The following FAM163A variants were observed in gnomAD, a reference collection of about 807,000 sequenced individuals.
The protein encoded by FAM163A is family with sequence similarity 163 member A, also known as protein FAM163A.
Under a neutral mutation model 12.0 loss-of-function variants are expected in FAM163A, and 7 were observed. That is an observed-to-expected ratio of 0.58 (90% CI 0.33 to 1.10). FAM163A has a LOEUF of 1.10. FAM163A is among the 50% of genes least tolerant of loss of function. The pLI is 0.03. For synonymous variants in FAM163A, 101 were observed against 91.0 expected, an observed-to-expected ratio of 1.11 and a Z score of -0.62; for missense variants, 202 against 218.6, an observed-to-expected ratio of 0.92 and a Z score of 0.48.
chr1:179,758,535 A>T (rs3845382), intron 1 of FAM163A, among the ~76,000 whole-genome samples: 37,346 of 152,082 alleles, frequency 0.25, 5,168 homozygotes, highest in East Asian at 0.62. Context: ...CTTAGTTGGC[A>T]AATTTGTGTA....
the FAM163A span, among the ~76,000 whole-genome samples, chr1:179,730,722 G>A: frequency 6.6e-6 from 1 of 152,142 alleles, no homozygotes; most frequent in Non-Finnish European, 1.5e-5. Flanking sequence ...ATGCAAAAAA[G>A]CACTCTTTTA....
At chr1:179,765,115 C>T (rs571098697) in intron 1 of FAM163A, among the ~76,000 whole-genome samples, 24 of 152,320 alleles carry the variant, frequency 1.6e-4, no homozygotes, top group Middle Eastern at 6.8e-3. Context: ...TCCACCTCTT[C>T]CCTTTCTTCC....
chr1:179,800,888 C>T (rs1188034069), intron 1 of FAM163A, among the ~76,000 whole-genome samples: 1 of 152,156 alleles, frequency 6.6e-6, no homozygotes, highest in Non-Finnish European at 1.5e-5. Context: ...ATAACAAACT[C>T]ATTTTCACAT....
chr1:179,812,860 T>C (rs1694888434), intron 3 of FAM163A, among the ~76,000 whole-genome samples: 1 of 152,118 alleles, frequency 6.6e-6, no homozygotes, highest in African/African-American at 2.4e-5. Context: ...TGAGAACTTT[T>C]TGAAACTGGG....
intron 1 of FAM163A, among the ~76,000 whole-genome samples, chr1:179,758,541 G>A (rs1325287181): frequency 1.3e-5 from 2 of 152,154 alleles, no homozygotes; most frequent in African/African-American, 2.4e-5. Context: ...TGGCAAATTT[G>A]TGTAGAGGTG....
intron 1 of FAM163A, among the ~76,000 whole-genome samples, chr1:179,791,083 A>T (rs796490353): frequency 3.9e-5 from 6 of 152,328 alleles, no homozygotes; most frequent in African/African-American, 1.4e-4. Context: ...TCAATCATCC[A>T]GCCTAGGTGT....
chr1:179,799,251 C>T (rs1692823276), intron 1 of FAM163A, among the ~76,000 whole-genome samples: 2 of 152,356 alleles, frequency 1.3e-5, no homozygotes, highest in South Asian at 4.1e-4. Flanking sequence ...ACCCTCTAAA[C>T]AATCAAGGAC....
upstream of FAM163A, among the ~76,000 whole-genome samples, chr1:179,740,917 CTCTG>C (rs1319933710): frequency 6.6e-6 from 1 of 152,044 alleles, no homozygotes; most frequent in Non-Finnish European, 1.5e-5. Flanking sequence ...CTTGCAATCT[CTCTG>C]TATTATTTCT....
chr1:179,809,995 A>G lies in FAM163A; in HGVS notation c.-45+2107A>G, dbSNP rs1571597045. Among the ~76,000 whole-genome samples, 2 of 152,174 alleles carry G rather than the reference A, an allele frequency of 1.3e-5. 1 individual carries two copies. The highest frequency in any genetic ancestry group is 4.1e-4 in the South Asian group (2 of 4,832). ...TGCAGATGGGATTGAGCTGAGAGGT[A>G]CAGCTTGCTGCCCCCTGGTGGTCTG... On this transcript the variant is annotated intron_variant, in intron 2 of 4. Coordinates refer to ENST00000341785, the MANE Select transcript of FAM163A (RefSeq NM_173509.3).
intron 1 of FAM163A, among the ~76,000 whole-genome samples, chr1:179,791,393 C>G (rs962126156): frequency 6.6e-6 from 1 of 152,346 alleles, no homozygotes; most frequent in Middle Eastern, 3.4e-3. Context: ...CCTCTTCCCC[C>G]TGCTCTCTCC....
In FAM163A at chr1:179,778,250, G is replaced by A. The variant is rs116390740; in HGVS notation, c.-135-29548G>A. 8.4e-3 allele frequency among the ~76,000 whole-genome samples: 1,285 copies of A among 152,240 alleles called. 17 individuals are homozygous for A. Among genetic ancestry groups the A allele is most frequent in the African/African-American group, 0.03 (1,238 of 41,538 alleles). Reference sequence around the variant, plus strand: ...GCTGGCCTAGGTAAGATCACGAGGAGGCCAGAGCAGCCTCCTTACACCCCA... The same window carrying A: ...GCTGGCCTAGGTAAGATCACGAGGAAGCCAGAGCAGCCTCCTTACACCCCA... On this transcript the variant is annotated intron_variant, in intron 1 of 4. Transcript: ENST00000341785.
chr1:179,756,814 T>C (rs1686088780), intron 1 of FAM163A, among the ~76,000 whole-genome samples: 1 of 152,020 alleles, frequency 6.6e-6, no homozygotes, highest in South Asian at 2.1e-4. Context: ...GTGTCATGAA[T>C]GGTTGAAGAG....
At chr1:179,784,424 T>C (rs926490323) in intron 1 of FAM163A, among the ~76,000 whole-genome samples, 1 of 152,236 alleles carries the variant, frequency 6.6e-6, no homozygotes, top group Non-Finnish European at 1.5e-5. Context: ...CTGAACCTGT[T>C]GTATCCTCTG....
the FAM163A span, among the ~76,000 whole-genome samples, chr1:179,735,136 C>T: frequency 4.6e-5 from 7 of 152,082 alleles, no homozygotes; most frequent in South Asian, 2.1e-4. Context: ...AAATAAGTCC[C>T]CCCAGATTAA....
At chr1:179,790,653 T>A (rs59870702) in intron 1 of FAM163A, among the ~76,000 whole-genome samples, 1,848 of 152,128 alleles carry the variant, frequency 0.012, 37 homozygotes, top group East Asian at 0.071. Flanking sequence ...GAGATTAGGA[T>A]TTTAGGATTA....
intron 1 of FAM163A, among the ~76,000 whole-genome samples, chr1:179,759,296 T>C (rs2487743): frequency 0.84 from 127,371 of 151,396 alleles, 53,955 homozygotes; most frequent in East Asian, 1. Flanking sequence ...ACCTCCCCAC[T>C]CCCATCACAT....
rs576193824 is a variant in FAM163A, at chr1:179,814,853, T to C, written c.*664T>C. The C allele has an allele frequency of 6.6e-6, 1 of 152,422 alleles. No homozygotes were observed. The highest frequency in any genetic ancestry group is 6.5e-5 in the Admixed American group (1 of 15,302). The allele number at this position is 152,422 out of a possible 1,614,324, so 9.4% of individuals were successfully genotyped here. On this transcript the variant is annotated 3_prime_UTR_variant, in exon 5 of 5. Transcript: ENST00000341785. ...CTCGTGGGACGTGTCAAGTTGACTT[T>C]AAAGCCTAAGGTGGCTTGTGGGGAC...
In FAM163A at chr1:179,797,431, A is replaced by G. The variant is rs148831060; in HGVS notation, c.-135-10367A>G. On this transcript the variant is annotated intron_variant, in intron 1 of 4. Coordinates refer to ENST00000341785, the MANE Select transcript of FAM163A (RefSeq NM_173509.3). ...CCACTGCACTCACGCCAGCCCAGGCAACAAGAGAAAAACTCTGTCTCAAAA... is the reference window on the plus strand; with the variant it reads ...CCACTGCACTCACGCCAGCCCAGGCGACAAGAGAAAAACTCTGTCTCAAAA... Among the ~76,000 whole-genome samples the G allele has an allele frequency of 9.7e-3, 1,481 of 152,266 alleles. 26 individuals are homozygous for G. The highest frequency in any genetic ancestry group is 0.034 in the African/African-American group (1,403 of 41,538).
intron 1 of FAM163A, among the ~76,000 whole-genome samples, chr1:179,747,017 G>T (rs1378800554): frequency 6.6e-6 from 1 of 152,118 alleles, no homozygotes; most frequent in African/African-American, 2.4e-5. Context: ...ATGTTCCCTT[G>T]TACAGGATAA....
Sources: allele counts gnomAD v4.1 joint callset (sites outside exome capture counted in the v4.1 genomes callset), GRCh38; gene constraint gnomAD v4.1.1; transcripts MANE v1.5; gene names NCBI Gene and HGNC (gene_info 2026-07-23, HGNC 2026-07-21).